ASTN2: variants seen among roughly 807,000 people sequenced by gnomAD.
ASTN2 encodes the protein astrotactin 2.
A neutral mutation model predicts 139.8 loss-of-function variants in ASTN2; 54 were observed. The observed-to-expected ratio is 0.39, with a 90% confidence interval of 0.31 to 0.48. The LOEUF is 0.48. Among genes scored for constraint, ASTN2 ranks in the 20% least tolerant of loss-of-function variants. The pLI is 0.95. For synonymous variants in ASTN2, 756 were observed against 719.5 expected, an observed-to-expected ratio of 1.05 and a Z score of -0.81; for missense variants, 1,565 against 1,725.1, an observed-to-expected ratio of 0.91 and a Z score of 1.64.
intron 20 of ASTN2, among the ~76,000 whole-genome samples, chr9:116,465,294 T>C (rs569476614): frequency 2.6e-5 from 4 of 152,106 alleles, no homozygotes; most frequent in African/African-American, 9.7e-5. Context: ...CTTTGCCCCA[T>C]GAAGATAAGC....
At chr9:116,742,446 G>C (rs1318621140) in intron 13 of ASTN2, among the ~76,000 whole-genome samples, 1 of 152,210 alleles carries the variant, frequency 6.6e-6, no homozygotes, top group Non-Finnish European at 1.5e-5. Flanking sequence ...GTGCCTCAGT[G>C]ACCCTCCTCC....
At chr9:117,366,843 C>T (rs1829857871) in intron 1 of ASTN2, among the ~76,000 whole-genome samples, 1 of 152,088 alleles carries the variant, frequency 6.6e-6, no homozygotes, top group South Asian at 2.1e-4. Context: ...GGCATGATCT[C>T]ATCTCACTGC....
At chr9:117,107,487 T>C (rs979969670) in intron 4 of ASTN2, among the ~76,000 whole-genome samples, 2 of 152,232 alleles carry the variant, frequency 1.3e-5, no homozygotes, top group African/African-American at 4.8e-5. Flanking sequence ...TATTACATCA[T>C]TGTTTTCAAA....
chr9:116,560,052 T>A (rs545745418), intron 19 of ASTN2, among the ~76,000 whole-genome samples: 1 of 152,330 alleles, frequency 6.6e-6, no homozygotes, highest in South Asian at 2.1e-4. Context: ...TGGCTGTAAT[T>A]CTATTATTTG....
chr9:117,185,548 G>A (rs1831175435), intron 3 of ASTN2, among the ~76,000 whole-genome samples: 1 of 152,200 alleles, frequency 6.6e-6, no homozygotes, highest in South Asian at 2.1e-4. Flanking sequence ...CTCTATATCT[G>A]CACAGAGTCA....
intron 10 of ASTN2, among the ~76,000 whole-genome samples, chr9:116,873,157 T>C (rs993066445): frequency 1.3e-5 from 2 of 152,204 alleles, no homozygotes; most frequent in Admixed American, 6.5e-5. Flanking sequence ...AACACAATGA[T>C]GTAAATGATA....
intron 4 of ASTN2, among the ~76,000 whole-genome samples, chr9:117,116,699 A>C (rs1055453710): frequency 6.6e-6 from 1 of 151,678 alleles, no homozygotes; most frequent in Non-Finnish European, 1.5e-5. Flanking sequence ...GCTAGGCTAC[A>C]TGGGAATGTG....
At chr9:116,728,756 C>G (rs1828699392) in intron 15 of ASTN2, among the ~76,000 whole-genome samples, 1 of 152,122 alleles carries the variant, frequency 6.6e-6, no homozygotes, top group African/African-American at 2.4e-5. Context: ...TCTCTAGCTC[C>G]CCCAGAATGA....
intron 1 of ASTN2, among the ~76,000 whole-genome samples, chr9:117,377,971 A>C (rs1008757652): frequency 1.2e-4 from 18 of 152,222 alleles, no homozygotes; most frequent in Non-Finnish European, 2.4e-4. Flanking sequence ...ACCCGTTACC[A>C]GTGATAGTCT....
intron 19 of ASTN2, among the ~76,000 whole-genome samples, chr9:116,607,887 G>A (rs957956707): frequency 1.7e-4 from 26 of 152,272 alleles, no homozygotes; most frequent in African/African-American, 5.8e-4. Flanking sequence ...CTTGAATCTG[G>A]GAGATGGAGG....
chr9:116,962,278 G>A (rs1161980702), intron 10 of ASTN2, among the ~76,000 whole-genome samples: 1 of 152,228 alleles, frequency 6.6e-6, no homozygotes, highest in East Asian at 1.9e-4. Flanking sequence ...AGGACCCTAT[G>A]TCTTCTGCAG....
intron 7 of ASTN2, 83 bp from the exon 8 acceptor site, chr9:116,976,868 C>T: frequency 1.6e-6 from 2 of 1,265,896 alleles, no homozygotes; most frequent in East Asian, 4.8e-5. Context: ...TTTCCTAAGA[C>T]ATAAAGTGAG....
intron 15 of ASTN2, 128 bp from the exon 16 acceptor site, chr9:116,726,078 T>G (rs1395248381): frequency 1.2e-5 from 9 of 774,814 alleles, no homozygotes; most frequent in Non-Finnish European, 1.8e-5. Flanking sequence ...GGCAGCTTGG[T>G]GGCTGCACTA....
intron 10 of ASTN2, among the ~76,000 whole-genome samples, chr9:116,950,708 G>A (rs963382096): frequency 6.6e-6 from 1 of 152,002 alleles, no homozygotes; most frequent in Non-Finnish European, 1.5e-5. Context: ...TTCCTTTCAT[G>A]TCTAGAATTA....
At chr9:117,341,626 A>T (rs1036099995) in intron 1 of ASTN2, among the ~76,000 whole-genome samples, 2 of 152,176 alleles carry the variant, frequency 1.3e-5, no homozygotes, top group Non-Finnish European at 2.9e-5. Context: ...GCCTTTTGCC[A>T]CCAGATTTAT....
At chr9:116,907,353 C>T (rs1834189789) in intron 10 of ASTN2, among the ~76,000 whole-genome samples, 1 of 152,190 alleles carries the variant, frequency 6.6e-6, no homozygotes, top group Admixed American at 6.5e-5. Flanking sequence ...CCTCAGTTTT[C>T]AGTACTGGCC....
Position 116,446,278 on chromosome 9 carries a change from G to GAT in ASTN2, c.3498-3726_3498-3725insAT, listed in dbSNP as rs1226223546. 5.9e-3 allele frequency among the ~76,000 whole-genome samples: 747 copies of GAT among 126,590 alleles called. 4 individuals are homozygous for GAT. The highest frequency in any genetic ancestry group is 0.024 in the African/African-American group (686 of 28,932). 83.0% of individuals were successfully genotyped at this position (126,590 alleles called of 152,430 possible). A position where few individuals can be genotyped will look rare whatever the true frequency, so the allele number is the denominator to read the frequency against. On this transcript the variant is annotated intron_variant, in intron 20 of 22. Transcript: ENST00000313400. ...AGGGAGAGAGAGAGAGAGATAGAGA[G>GAT]AGAGAGAGAGAGAGAGAGAGAGAGA...
chr9:117,003,953 C>CGCGCGTGTGT (rs1218309835), intron 7 of ASTN2, among the ~76,000 whole-genome samples: 14 of 146,226 alleles, frequency 9.6e-5, no homozygotes, highest in African/African-American at 3.4e-4. Flanking sequence ...CGCGCGCGCG[C>CGCGCGTGTGT]GTGTGTGTGT....
In ASTN2 at chr9:116,472,763, A is replaced by AAT. The variant is rs1554767963; in HGVS notation, c.3497+14595_3497+14596insAT. 0.015 allele frequency among the ~76,000 whole-genome samples: 2,199 copies of AAT among 150,376 alleles called. 210 individuals carry two copies. The South Asian group carries it at 0.2, about 14-fold the overall frequency. On this transcript the variant is annotated intron_variant, in intron 20 of 22. Coordinates refer to ENST00000313400, the MANE Select transcript of ASTN2 (RefSeq NM_001365068.1). ...TACTAAAAATACAAAAAAAAAAAAA[A>AAT]TAGCCATGTTGGTGGTGGCGGCGGC...
Sources: allele counts gnomAD v4.1 joint callset (sites outside exome capture counted in the v4.1 genomes callset), GRCh38; gene constraint gnomAD v4.1.1; transcripts MANE v1.5; gene names NCBI Gene and HGNC (gene_info 2026-07-23, HGNC 2026-07-21).